OXR1: variants seen among roughly 807,000 people sequenced by gnomAD.
OXR1 encodes the protein oxidation resistance 1.
Under a neutral mutation model 104.6 loss-of-function variants are expected in OXR1, and 41 were observed. That is an observed-to-expected ratio of 0.39 (90% confidence interval 0.31 to 0.51). The LOEUF is 0.51. Ranked by LOEUF, OXR1 falls within the 20% of genes least tolerant of loss-of-function variation. The pLI, the probability that OXR1 is intolerant of heterozygous loss-of-function variation, is 0.77. For missense variants in OXR1, 955 were observed against 1,031.9 expected, an observed-to-expected ratio of 0.93 and a Z score of 1.02; for synonymous variants, 348 against 348.4, an observed-to-expected ratio of 1.00 and a Z score of 0.01.
At chr8:106,448,822 T>G (rs1158600217) in intron 2 of OXR1, among the ~76,000 whole-genome samples, 2 of 152,182 alleles carry the variant, frequency 1.3e-5, no homozygotes, top group African/African-American at 4.8e-5. Context: ...TGAATTCTCA[T>G]TATTCCTGAC....
At chr8:106,655,765 T>C (rs892260879) in intron 3 of OXR1, among the ~76,000 whole-genome samples, 1 of 152,144 alleles carries the variant, frequency 6.6e-6, no homozygotes, top group Non-Finnish European at 1.5e-5. Context: ...TTTAGAGACA[T>C]TACGACTCAG....
Position 106,751,690 on chromosome 8 carries a change from A to G in OXR1, c.*749A>G, listed in dbSNP as rs568679602. On this transcript the variant is annotated 3_prime_UTR_variant, in exon 17 of 17. Coordinates refer to ENST00000517566, the MANE Select transcript of OXR1 (RefSeq NM_001198533.2). ...ATTCTATTGGATTTAATATATTAGC[A>G]AGAAAACATACTATTTACATATGTG... The G allele has an allele frequency of 2.6e-5, 4 of 152,702 alleles. No individual in the cohort carries two copies. The South Asian group carries it at 8.3e-4, about 32-fold the overall frequency. 9.5% of individuals were successfully genotyped at this position (152,702 alleles called of 1,614,324 possible).
At chr8:106,381,433 A>C (rs1358738059) in intron 2 of OXR1, among the ~76,000 whole-genome samples, 1 of 152,106 alleles carries the variant, frequency 6.6e-6, no homozygotes, top group Non-Finnish European at 1.5e-5. Flanking sequence ...ATGGAAGGAA[A>C]GTGTGTGGGG....
chr8:106,543,316 C>T (rs991682123), intron 3 of OXR1, among the ~76,000 whole-genome samples: 1 of 151,786 alleles, frequency 6.6e-6, no homozygotes, highest in Non-Finnish European at 1.5e-5. Context: ...CTTTGTTTTT[C>T]TTCCATGTTT....
chr8:106,458,230 T>C lies in OXR1; in HGVS notation c.24-60713T>C, dbSNP rs893806308. Among the ~76,000 whole-genome samples the C allele has an allele frequency of 2.6e-5, 4 of 151,016 alleles. 1 individual carries two copies. The highest frequency in any genetic ancestry group is 5.9e-5 in the Non-Finnish European group (4 of 67,700). ...CTTGAGGGCCAGATTTCCAGAGAGGTTCCCTTAAAAGCTCAATATTTGCTG... is the reference window on the plus strand; with the variant it reads ...CTTGAGGGCCAGATTTCCAGAGAGGCTCCCTTAAAAGCTCAATATTTGCTG... On this transcript the variant is annotated intron_variant, in intron 2 of 16. Coordinates refer to ENST00000517566, the MANE Select transcript of OXR1 (RefSeq NM_001198533.2).
chr8:106,303,033 GT>G (rs1306910784), intron 1 of OXR1, among the ~76,000 whole-genome samples: 1 of 151,608 alleles, frequency 6.6e-6, no homozygotes, highest in African/African-American at 2.4e-5. Flanking sequence ...GATTACAGGC[GT>G]GAGCCAGCGC....
chr8:106,330,709 C>T (rs1199362817), intron 1 of OXR1, among the ~76,000 whole-genome samples: 1 of 152,130 alleles, frequency 6.6e-6, no homozygotes, highest in Non-Finnish European at 1.5e-5. Flanking sequence ...AAACATGACC[C>T]CTGCAAGTGC....
intron 2 of OXR1, among the ~76,000 whole-genome samples, chr8:106,446,410 G>A (rs185962841): frequency 6.6e-6 from 1 of 152,206 alleles, no homozygotes; most frequent in African/African-American, 2.4e-5. Flanking sequence ...ACAAGGTCAG[G>A]AGTCCGAGAC....
chr8:106,480,926 G>A (rs1822077781), intron 2 of OXR1, among the ~76,000 whole-genome samples: 1 of 152,050 alleles, frequency 6.6e-6, no homozygotes, highest in Admixed American at 6.6e-5. Flanking sequence ...TAAGGTGACA[G>A]TTATCATATA....
chr8:106,328,499 A>G (rs1814572884), intron 1 of OXR1, among the ~76,000 whole-genome samples: 1 of 152,214 alleles, frequency 6.6e-6, no homozygotes, highest in Non-Finnish European at 1.5e-5. Flanking sequence ...TCCTACATTA[A>G]AAGTTAAAAA....
chr8:106,577,378 C>CCTT (rs1817920908), intron 3 of OXR1, among the ~76,000 whole-genome samples: 2 of 43,574 alleles, frequency 4.6e-5, no homozygotes, highest in Non-Finnish European at 7.8e-5. Context: ...GCCCAGCTAA[C>CCTT]TTTTTTTTTT....
chr8:106,452,407 AAAATTTCTTT>A (rs1820364206), intron 2 of OXR1, among the ~76,000 whole-genome samples: 1 of 152,160 alleles, frequency 6.6e-6, no homozygotes. Context: ...TTATATATAT[AAAATTTCTTT>A]AAAATATCAT....
intron 4 of OXR1, among the ~76,000 whole-genome samples, chr8:106,680,382 A>T (rs1366005584): frequency 6.6e-6 from 1 of 152,078 alleles, no homozygotes; most frequent in African/African-American, 2.4e-5. Flanking sequence ...AGATATATAC[A>T]TGTTTTTATC....
At chr8:106,589,590 G>C (rs1279571100) in intron 3 of OXR1, among the ~76,000 whole-genome samples, 1 of 152,124 alleles carries the variant, frequency 6.6e-6, no homozygotes, top group African/African-American at 2.4e-5. Flanking sequence ...AGACGACGCA[G>C]CACCCAATGT....
At chr8:106,408,770 G>T (rs1818344291) in intron 2 of OXR1, among the ~76,000 whole-genome samples, 1 of 152,190 alleles carries the variant, frequency 6.6e-6, no homozygotes. Flanking sequence ...TCCAGACACA[G>T]GTATGCAGTG....
At chr8:106,337,725 GA>G (rs1390679273) in intron 1 of OXR1, among the ~76,000 whole-genome samples, 2 of 151,912 alleles carry the variant, frequency 1.3e-5, no homozygotes, top group East Asian at 1.9e-4. Flanking sequence ...ATGATATGAA[GA>G]AAAAAATAAA....
At chr8:106,297,618 T>C (rs1232008683) in intron 1 of OXR1, among the ~76,000 whole-genome samples, 1 of 152,190 alleles carries the variant, frequency 6.6e-6, no homozygotes, top group Non-Finnish European at 1.5e-5. Flanking sequence ...AAAAACACAG[T>C]ATTATAATCT....
intron 3 of OXR1, among the ~76,000 whole-genome samples, chr8:106,612,237 T>A (rs1243251021): frequency 6.6e-6 from 1 of 152,120 alleles, no homozygotes; most frequent in Admixed American, 6.5e-5. Context: ...TAAATACATA[T>A]ATAAGATAGA....
chr8:106,661,509 T>C (rs1175639831), intron 3 of OXR1, among the ~76,000 whole-genome samples: 1 of 152,238 alleles, frequency 6.6e-6, no homozygotes, highest in African/African-American at 2.4e-5. Flanking sequence ...TTTTGAACTT[T>C]AAATATAGCT....
Sources: gnomAD v4.1 joint callset for allele counts (sites outside exome capture counted in the v4.1 genomes callset) on GRCh38, gnomAD v4.1.1 for gene constraint, MANE v1.5 for transcripts, NCBI Gene and HGNC (gene_info 2026-07-23, HGNC 2026-07-21) for gene names.